Variants in PHLPP2 observed in about 807,000 individuals in gnomAD.
The protein encoded by PHLPP2 is PH domain and leucine rich repeat protein phosphatase 2.
PHLPP2 carries 66 observed loss-of-function variants against 124.9 expected under a neutral mutation model. The ratio of observed to expected loss-of-function variants is 0.53; its 90% CI spans 0.43 to 0.65. PHLPP2 has a LOEUF of 0.65. PHLPP2 is among the 30% of genes least tolerant of loss of function. The pLI is 0.00. For missense variants in PHLPP2, 1,685 were observed against 1,600.4 expected (o/e 1.05, Z -0.90); for synonymous variants, 681 against 624.7 (o/e 1.09, Z -1.34).
intron 9 of PHLPP2, among the ~76,000 whole-genome samples, chr16:71,674,988 C>T (rs546562912): frequency 6.6e-6 from 1 of 152,314 alleles, no homozygotes; most frequent in East Asian, 1.9e-4. Flanking sequence ...CAGAGCTAGA[C>T]TCCGTCTCAA....
intron 3 of PHLPP2, among the ~76,000 whole-genome samples, chr16:71,691,580 T>A (rs1230073038): frequency 2.0e-5 from 3 of 152,078 alleles, no homozygotes; most frequent in Admixed American, 2.0e-4. Context: ...CAACCACTAT[T>A]GTTACTAATC....
At chr16:71,687,565 T>C (rs947046925) in intron 4 of PHLPP2, among the ~76,000 whole-genome samples, 1 of 152,196 alleles carries the variant, frequency 6.6e-6, no homozygotes, top group Admixed American at 6.5e-5. Context: ...AAATTTAACA[T>C]GTTATTTTGC....
chr16:71,696,647 C>CAA (rs555406586), intron 3 of PHLPP2, among the ~76,000 whole-genome samples: 3 of 115,974 alleles, frequency 2.6e-5, no homozygotes, highest in Admixed American at 1.8e-4. Flanking sequence ...GACTCCATCT[C>CAA]AAAAAAAAAA....
In PHLPP2 at chr16:71,664,065, C is replaced by G. The variant is rs1596993182; in HGVS notation, c.1819G>C (p.Glu607Gln). The G allele has an allele frequency of 1.2e-6, 2 of 1,613,766 alleles. No individual in the cohort carries two copies. Among genetic ancestry groups the G allele is most frequent in the East Asian group, 4.5e-5 (2 of 44,886 alleles). ...CCAGTGCAGGCGGATGGTAAAGACT[C>G]CAGACTATTTGCAGATGCATTCAAG... ...RYLNASANSL[E>Q]SLPSACTGEE... The change falls in exon 13 of 19, where the codon GAG becomes CAG. Residue 607 changes from glutamate (E) to glutamine (Q), a missense_variant. Coordinates refer to ENST00000568954, the MANE Select transcript of PHLPP2 (RefSeq NM_015020.3).
chr16:71,713,449 G>C (rs1265303258), intron 2 of PHLPP2, among the ~76,000 whole-genome samples: 1 of 152,122 alleles, frequency 6.6e-6, no homozygotes, highest in African/African-American at 2.4e-5. Flanking sequence ...AATATCCTTT[G>C]ACCCAGCAGT....
chr16:71,714,030 C>T (rs1387861831), intron 2 of PHLPP2, among the ~76,000 whole-genome samples: 1 of 150,762 alleles, frequency 6.6e-6, no homozygotes, highest in Non-Finnish European at 1.5e-5. Flanking sequence ...ACCTTGGTCT[C>T]CCAGGTTCAA....
At chr16:71,706,079 A>C (rs1356884122) in intron 2 of PHLPP2, among the ~76,000 whole-genome samples, 1 of 152,226 alleles carries the variant, frequency 6.6e-6, no homozygotes, top group Non-Finnish European at 1.5e-5. Context: ...ATATACTGCA[A>C]AACAGGTGTG....
At chr16:71,678,683 T>C (rs1340554046) in intron 8 of PHLPP2, 72 bp downstream of exon 8, 6 of 841,194 alleles carry the variant, frequency 7.1e-6, no homozygotes, top group Admixed American at 6.4e-5. Flanking sequence ...TTTAAACAAA[T>C]CTTCATAAAC....
chr16:71,717,093 G>A (rs6499532), intron 1 of PHLPP2, among the ~76,000 whole-genome samples: 76,976 of 151,938 alleles, frequency 0.51, 19,844 homozygotes, highest in Middle Eastern at 0.65. Context: ...ACTTGGGGGG[G>A]AAAATTCCCA....
At chr16:71,717,361 T>C (rs1195296213) in intron 1 of PHLPP2, among the ~76,000 whole-genome samples, 2 of 152,324 alleles carry the variant, frequency 1.3e-5, no homozygotes, top group Admixed American at 6.5e-5. Flanking sequence ...TGTTTAAATT[T>C]AGAACTCAGG....
intron 5 of PHLPP2, among the ~76,000 whole-genome samples, chr16:71,683,076 CAGG>C (rs2145342758): frequency 6.6e-6 from 1 of 152,000 alleles, no homozygotes; most frequent in Admixed American, 6.5e-5. Context: ...GAGGCTGAGG[CAGG>C]AGAACTGCTT....
intron 13 of PHLPP2, among the ~76,000 whole-genome samples, chr16:71,659,824 GGAGA>G (rs1372956480): frequency 1.1e-4 from 16 of 152,036 alleles, no homozygotes; most frequent in Admixed American, 3.3e-4. Flanking sequence ...CTGTTAACAT[GGAGA>G]GAAAGTGAAA....
At chr16:71,676,361 T>G in intron 9 of PHLPP2, 86 bp downstream of exon 9, 1 of 1,018,668 alleles carries the variant, frequency 9.8e-7, no homozygotes, top group Non-Finnish European at 1.5e-6. Context: ...GCAGAGTGGC[T>G]GAGGAACACC....
intron 3 of PHLPP2, among the ~76,000 whole-genome samples, chr16:71,695,701 ACT>A (rs1286670127): frequency 6.9e-6 from 1 of 144,246 alleles, no homozygotes; most frequent in African/African-American, 2.5e-5. Flanking sequence ...CAAGAGTGAG[ACT>A]CTGTCTCAGA....
chr16:71,685,792 C>A lies in PHLPP2; in HGVS notation c.610-1191G>T, dbSNP rs142735382. Among the ~76,000 whole-genome samples the A allele has an allele frequency of 2.1e-4, 32 of 152,244 alleles. No homozygotes were observed. In the East Asian group the frequency reaches 6.2e-3, roughly 29 times the overall value. The stretch of plus-strand genomic sequence containing the variant: ...TATAATGTCAAATACTGAGACAGAT[C>A]TGTAAATCTCTCACTGTAAGTTAAT... On this transcript the variant is annotated intron_variant, in intron 4 of 18. Coordinates refer to ENST00000568954, the MANE Select transcript of PHLPP2 (RefSeq NM_015020.3).
chr16:71,692,133 G>A (rs1267647559), intron 3 of PHLPP2, among the ~76,000 whole-genome samples: 1 of 151,724 alleles, frequency 6.6e-6, no homozygotes, highest in Non-Finnish European at 1.5e-5. Context: ...GCAGTGGCGC[G>A]ATCTCGGCTC....
chr16:71,722,108 T>A (rs1226017528), intron 1 of PHLPP2, among the ~76,000 whole-genome samples: 1 of 152,184 alleles, frequency 6.6e-6, no homozygotes, highest in African/African-American at 2.4e-5. Context: ...CAGCATCACT[T>A]GGCACAATTC....
chr16:71,717,064 C>G (rs1756821421), intron 1 of PHLPP2, among the ~76,000 whole-genome samples: 1 of 152,218 alleles, frequency 6.6e-6, no homozygotes, highest in Non-Finnish European at 1.5e-5. Context: ...CCAATTAGCT[C>G]TGGCAAGAAG....
intron 3 of PHLPP2, 84 bp from the exon 4 acceptor site, chr16:71,690,793 C>G: frequency 1.1e-6 from 1 of 878,168 alleles, no homozygotes; most frequent in Non-Finnish European, 1.8e-6. Context: ...TGTGTGTCAA[C>G]ATTCAACAAC....
Sources: gnomAD v4.1 joint callset for allele counts (sites outside exome capture counted in the v4.1 genomes callset) on GRCh38, gnomAD v4.1.1 for gene constraint, MANE v1.5 for transcripts, NCBI Gene and HGNC (gene_info 2026-07-23, HGNC 2026-07-21) for gene names.